Variants in FOXK2 observed in about 807,000 individuals in gnomAD.
The protein encoded by FOXK2 is forkhead box K2, also known as forkhead box protein K2.
In FOXK2, 24 loss-of-function variants were observed where a neutral mutation model predicts 53.3. The observed-to-expected ratio is 0.45, with a 90% CI of 0.33 to 0.63. FOXK2 has a LOEUF of 0.63. Ranked by LOEUF, FOXK2 falls within the 30% of genes least tolerant of loss-of-function variation. FOXK2 has a pLI of 0.03. For synonymous variants in FOXK2, 505 were observed against 407.1 expected, an observed-to-expected ratio of 1.24 and a Z score of -2.89; for missense variants, 952 against 910.5, an observed-to-expected ratio of 1.05 and a Z score of -0.59.
intron 4 of FOXK2, among the ~76,000 whole-genome samples, chr17:82,573,014 G>A (rs748162188): frequency 8.6e-5 from 13 of 152,018 alleles, no homozygotes; most frequent in Non-Finnish European, 1.6e-4. Context: ...AACATGGCGA[G>A]ACCCTGTCTC....
intron 8 of FOXK2, among the ~76,000 whole-genome samples, chr17:82,588,886 TAAA>T (rs71369024): frequency 1.7e-3 from 208 of 122,042 alleles, no homozygotes; most frequent in East Asian, 2.1e-3. Flanking sequence ...CCATTTCTAC[TAAA>T]AAAAAAAAAA....
At chr17:82,543,170 A>T (rs8064433) in intron 1 of FOXK2, among the ~76,000 whole-genome samples, 66,853 of 151,860 alleles carry the variant, frequency 0.44, 14,884 homozygotes, top group South Asian at 0.55. Flanking sequence ...TAAAACTGTT[A>T]TCTAAATCCA....
intron 1 of FOXK2, among the ~76,000 whole-genome samples, chr17:82,538,571 C>T (rs962554880): frequency 6.6e-6 from 1 of 152,232 alleles, no homozygotes; most frequent in Admixed American, 6.5e-5. Context: ...GAAGAATGCC[C>T]TTGTCCTCTG....
At chr17:82,576,286 CCAG>C (rs1268581307) in intron 4 of FOXK2, among the ~76,000 whole-genome samples, 1 of 151,800 alleles carries the variant, frequency 6.6e-6, no homozygotes, top group African/African-American at 2.4e-5. Context: ...TTCGTCCACA[CCAG>C]CGTGTGTGCT....
chr17:82,571,744 C>G lies in FOXK2; in HGVS notation c.783C>G (p.Tyr261Ter). The change falls in exon 4 of 9, where the codon TAC (tyrosine) becomes TAG (stop). Residue 261 changes from tyrosine to a stop codon, truncating the protein, a stop_gained. Transcript: ENST00000335255. LOFTEE classifies it high-confidence loss of function. ...TACAGGATGATTCAAAGCCGCCTTA[C>G]TCCTACGCGCAGCTGATAGTTCAGG... ...DSPKDDSKPP[Y>*]SYAQLIVQAI... 6.4e-7 allele frequency: 1 copy of G among 1,567,720 alleles called. No homozygotes were observed. The highest frequency in any genetic ancestry group is 1.2e-5 in the South Asian group (1 of 84,366).
At chr17:82,550,590 C>T (rs1436301837) in intron 1 of FOXK2, among the ~76,000 whole-genome samples, 1 of 151,540 alleles carries the variant, frequency 6.6e-6, no homozygotes, top group East Asian at 2.0e-4. Context: ...ACAAGCTCCG[C>T]CTCCCGGGTT....
Position 82,568,142 on chromosome 17 carries a change from A to G in FOXK2, c.703A>G (p.Met235Val), listed in dbSNP as rs760832541. ...AGTGATGCCATCTGACCTCAATTTAATGGCTGACAACTCACAGCCTGAAAA... is the reference window on the plus strand; with the variant it reads ...AGTGATGCCATCTGACCTCAATTTAGTGGCTGACAACTCACAGCCTGAAAA... Reference protein sequence around the residue: ...GRVMPSDLNLMADNSQPENEK... With the variant: ...GRVMPSDLNLVADNSQPENEK... The change falls in exon 3 of 9, where the codon ATG becomes GTG. Residue 235 changes from methionine (M) to valine (V), a missense_variant. Met to Val is a conservative substitution (Grantham distance 21). Around this residue, in one of 5 missense-constraint regions of FOXK2, gnomAD observed 160 missense variants for 214.2 expected, o/e 0.75. Coordinates refer to ENST00000335255, the MANE Select transcript of FOXK2 (RefSeq NM_004514.4). 6.2e-6 allele frequency: 10 copies of G among 1,613,828 alleles called. No individual in the cohort carries two copies. In the South Asian group the frequency reaches 1.1e-4, roughly 18 times the overall value.
intron 3 of FOXK2, among the ~76,000 whole-genome samples, chr17:82,569,262 A>G (rs1185426835): frequency 6.6e-6 from 1 of 152,230 alleles, no homozygotes; most frequent in Non-Finnish European, 1.5e-5. Flanking sequence ...ACAGCTGTGC[A>G]TCCCCCACCT....
intron 1 of FOXK2, among the ~76,000 whole-genome samples, chr17:82,540,665 A>G (rs1599884555): frequency 6.6e-6 from 1 of 152,076 alleles, no homozygotes; most frequent in South Asian, 2.1e-4. Flanking sequence ...CTCCTGTAAG[A>G]CCAGCCGTGA....
rs773687064 is a variant in FOXK2, at chr17:82,587,120, T to G, written c.1634T>G (p.Ile545Ser). The G allele has an allele frequency of 5.0e-6, 8 of 1,612,930 alleles. No individual in the cohort carries two copies. The highest frequency in any genetic ancestry group is 6.8e-6 in the Non-Finnish European group (8 of 1,180,022). ...GHATLGTASR[I>S]IQTAQTTPVQ... ...GCCACGCTCGGCACTGCCAGCCGGA[T>G]CATTCAGACGGCACAGACCACCCCG... Residue 545 changes from isoleucine to serine, a missense_variant, in exon 8 of 9, where the codon ATC becomes AGC. By Grantham distance (142) the Ile-to-Ser change is moderately radical (BLOSUM62 -2). Around this residue, in one of 5 missense-constraint regions of FOXK2, gnomAD observed 551 missense variants for 385.1 expected, o/e 1.43. Coordinates refer to ENST00000335255, the MANE Select transcript of FOXK2 (RefSeq NM_004514.4).
chr17:82,548,128 C>G (rs1489980710), intron 1 of FOXK2, among the ~76,000 whole-genome samples: 1 of 152,206 alleles, frequency 6.6e-6, no homozygotes, highest in Non-Finnish European at 1.5e-5. Flanking sequence ...CTGGTGCTCT[C>G]ACTTCTCTTG....
At chr17:82,590,056 A>G (rs1342261298) in intron 8 of FOXK2, among the ~76,000 whole-genome samples, 1 of 152,084 alleles carries the variant, frequency 6.6e-6, no homozygotes, top group African/African-American at 2.4e-5. Flanking sequence ...AAAAAAAAAA[A>G]AAAGTCTTGT....
chr17:82,541,956 C>T lies in FOXK2; in HGVS notation c.420-21398C>T, dbSNP rs538479336. On this transcript the variant is annotated intron_variant, in intron 1 of 8. Coordinates refer to ENST00000335255, the MANE Select transcript of FOXK2 (RefSeq NM_004514.4). The stretch of plus-strand genomic sequence containing the variant: ...AGTGCAGTGACACAATCTCAGCTCA[C>T]TGCAACCTCCACCTTCCCGGTTCAA... 7.8e-4 allele frequency among the ~76,000 whole-genome samples: 118 copies of T among 151,534 alleles called. 1 individual carries two copies. Among genetic ancestry groups the T allele is most frequent in the African/African-American group, 2.8e-3 (116 of 41,264 alleles).
At position 82,586,108 on chromosome 17, in the gene FOXK2, C is replaced by A; in HGVS notation, c.1484C>A (p.Thr495Asn). 4 of 1,612,724 alleles carry A rather than the reference C, an allele frequency of 2.5e-6. No homozygotes were observed. Among genetic ancestry groups the A allele is most frequent in the Non-Finnish European group, 3.4e-6 (4 of 1,179,954 alleles). The change falls in exon 7 of 9, where the codon ACT becomes AAT. Residue 495 changes from threonine to asparagine, a missense_variant. Coordinates refer to ENST00000335255, the MANE Select transcript of FOXK2 (RefSeq NM_004514.4). ...VAGLAPANTY[T>N]VSGQAVVTPA... ...GGACTGGCCCCAGCGAACACGTACA[C>A]TGTCTCTGGACAAGCTGTGGTCACC...
At chr17:82,558,637 G>A (rs988582163) in intron 1 of FOXK2, among the ~76,000 whole-genome samples, 2 of 152,246 alleles carry the variant, frequency 1.3e-5, no homozygotes, top group Non-Finnish European at 2.9e-5. Context: ...GAGGACCGGC[G>A]GGGAGTCTGT....
chr17:82,587,291 T>G lies in FOXK2; in HGVS notation c.1786+19T>G, dbSNP rs1369061316. ...AACAATGGTAAGACATGCTGGTCGG[T>G]GGCTCCCCGTGGCTGTGGGTACTGG... On this transcript the variant is annotated intron_variant, in intron 8 of 8. Coordinates refer to ENST00000335255, the MANE Select transcript of FOXK2 (RefSeq NM_004514.4). The G allele has an allele frequency of 8.2e-6, 13 of 1,589,714 alleles. No individual in the cohort carries two copies. The East Asian group carries it at 2.7e-4, about 33-fold the overall frequency.
chr17:82,584,173 G>C lies in FOXK2; in HGVS notation c.1264G>C (p.Ala422Pro). 1.2e-6 allele frequency: 2 copies of C among 1,603,292 alleles called. No homozygotes were observed. The highest frequency in any genetic ancestry group is 2.2e-5 in the South Asian group (2 of 90,416). The change falls in exon 6 of 9, where the codon GCC becomes CCC. Residue 422 changes from alanine to proline, a missense_variant. Physicochemically the swap from Ala to Pro is conservative, Grantham distance 27 (BLOSUM62 -1). Coordinates refer to ENST00000335255, the MANE Select transcript of FOXK2 (RefSeq NM_004514.4). ...KLAVIQEARF[A>P]QSAPGSPLSS... The stretch of plus-strand genomic sequence containing the variant: ...CGCTGTCATCCAGGAAGCCCGGTTT[G>C]CCCAGAGCGCCCCAGGTGAGACAGC...
chr17:82,566,700 G>A (rs1472025462), intron 2 of FOXK2, among the ~76,000 whole-genome samples: 1 of 152,122 alleles, frequency 6.6e-6, no homozygotes, highest in African/African-American at 2.4e-5. Flanking sequence ...AGGTTGGGTC[G>A]GCTCCCAACT....
chr17:82,574,113 C>T (rs1289330271), intron 4 of FOXK2, among the ~76,000 whole-genome samples: 1 of 152,236 alleles, frequency 6.6e-6, no homozygotes, highest in Admixed American at 6.5e-5. Flanking sequence ...ACACGTCAGG[C>T]ACCCTTCTCT....
Sources: allele counts gnomAD v4.1 joint callset (sites outside exome capture counted in the v4.1 genomes callset), GRCh38; gene constraint gnomAD v4.1.1; regional missense constraint gnomAD v4.1.1; transcripts MANE v1.5; gene names NCBI Gene and HGNC (gene_info 2026-07-23, HGNC 2026-07-21).